ATP10A: variants seen among roughly 807,000 people sequenced by gnomAD.
ATP10A encodes the protein ATPase phospholipid transporting 10A (putative).
A neutral mutation model predicts 147.8 loss-of-function variants in ATP10A; 111 were observed. That is an observed-to-expected ratio of 0.75 (90% CI 0.64 to 0.88). The LOEUF (loss-of-function observed/expected upper bound fraction) is 0.88, where lower values mean the gene tolerates loss of function less well. Among genes scored for constraint, ATP10A ranks in the 40% least tolerant of loss-of-function variants. ATP10A has a pLI of 0.00. For synonymous variants in ATP10A, 875 were observed against 841.6 expected (o/e 1.04, Z -0.69); for missense variants, 1,927 against 1,959.0 (o/e 0.98, Z 0.31).
intron 13 of ATP10A, among the ~76,000 whole-genome samples, chr15:25,701,113 G>A (rs1171533170): frequency 6.6e-6 from 1 of 152,168 alleles, no homozygotes; most frequent in Non-Finnish European, 1.5e-5. Context: ...GTACAATGTG[G>A]ACAACGGGGC....
chr15:25,845,821 G>A (rs767610642), intron 1 of ATP10A, among the ~76,000 whole-genome samples: 7 of 152,284 alleles, frequency 4.6e-5, no homozygotes, highest in South Asian at 4.1e-4. Context: ...CTCCACGGAC[G>A]AAAAAGGCAA....
intron 1 of ATP10A, among the ~76,000 whole-genome samples, chr15:25,806,894 A>C (rs943934707): frequency 5.9e-5 from 9 of 152,190 alleles, no homozygotes; most frequent in Admixed American, 1.3e-4. Context: ...ACTTACTTCA[A>C]ACTATAACTC....
chr15:25,847,034 T>C (rs772135500), intron 1 of ATP10A, among the ~76,000 whole-genome samples: 2 of 152,192 alleles, frequency 1.3e-5, no homozygotes, highest in Admixed American at 1.3e-4. Flanking sequence ...CAATAACATA[T>C]ACATTTTTCT....
downstream of ATP10A, among the ~76,000 whole-genome samples, chr15:25,673,569 T>C (rs1385990451): frequency 1.3e-5 from 2 of 152,168 alleles, no homozygotes; most frequent in African/African-American, 4.8e-5. Flanking sequence ...GACGTTGCCC[T>C]TCCAAGTGAC....
Position 25,725,780 on chromosome 15 carries a change from A to C in ATP10A, c.979+171T>G, listed in dbSNP as rs537247750. 2.0e-5 allele frequency among the ~76,000 whole-genome samples: 3 copies of C among 151,336 alleles called. No homozygotes were observed. In the South Asian group the frequency reaches 6.3e-4, roughly 32 times the overall value. On this transcript the variant is annotated intron_variant, in intron 5 of 20. Transcript: ENST00000555815. ...CTCCCGAGTAGCTGGGACTACAGGC[A>C]CATTTTTTTTGTATTTTTAGTAGAG... is the stretch of plus-strand genomic sequence containing the variant.
chr15:25,680,372 C>CA (rs1264292045), intron 19 of ATP10A, 64 bp from the exon 20 acceptor site: 2 of 1,523,096 alleles, frequency 1.3e-6, no homozygotes, highest in Non-Finnish European at 1.8e-6. Flanking sequence ...ATGACAATAA[C>CA]AAAAACGTGC....
intron 3 of ATP10A, among the ~76,000 whole-genome samples, chr15:25,735,003 C>CGGG (rs774115891): frequency 6.1e-5 from 8 of 132,062 alleles, no homozygotes; most frequent in East Asian, 4.5e-4. Flanking sequence ...GTGGTGGGAG[C>CGGG]GGGGGGGGGG....
At position 25,797,641 on chromosome 15, in the gene ATP10A, C is replaced by T. The variant is rs963488223; in HGVS notation, c.450-16418G>A. Among the ~76,000 whole-genome samples the T allele has an allele frequency of 2.6e-5, 4 of 152,186 alleles. No individual in the cohort carries two copies. In the East Asian group the frequency reaches 7.7e-4, roughly 29 times the overall value. Reference sequence around the variant, plus strand: ...GGGCTCAGTGGATCCTTGGGCCCCTCCTCGGGGGACAGCCATCCAAGAAGG... The same window carrying T: ...GGGCTCAGTGGATCCTTGGGCCCCTTCTCGGGGGACAGCCATCCAAGAAGG... On this transcript the variant is annotated intron_variant, in intron 1 of 20. Coordinates refer to ENST00000555815, the MANE Select transcript of ATP10A (RefSeq NM_024490.4).
chr15:25,760,696 T>C (rs1307513474), intron 2 of ATP10A, among the ~76,000 whole-genome samples: 2 of 152,310 alleles, frequency 1.3e-5, no homozygotes, highest in Non-Finnish European at 2.9e-5. Flanking sequence ...ATTAATTACA[T>C]GGAGCTGGGC....
At chr15:25,745,634 A>C (rs1419666065) in intron 2 of ATP10A, among the ~76,000 whole-genome samples, 1 of 152,226 alleles carries the variant, frequency 6.6e-6, no homozygotes. Flanking sequence ...AAAGCAACAA[A>C]AACGGTAAAT....
intron 1 of ATP10A, chr15:25,862,373 G>A: frequency 1.6e-6 from 1 of 641,864 alleles, no homozygotes; most frequent in Non-Finnish European, 2.9e-6. Flanking sequence ...TCGGTTTCTA[G>A]CCTTGGGATC....
At chr15:25,792,004 T>C (rs1393478252) in intron 1 of ATP10A, among the ~76,000 whole-genome samples, 2 of 152,172 alleles carry the variant, frequency 1.3e-5, no homozygotes, top group Non-Finnish European at 2.9e-5. Flanking sequence ...TATTTTTTTT[T>C]TAAAACAAAC....
chr15:25,721,971 C>G, intron 6 of ATP10A, 62 bp from the exon 7 acceptor site: 1 of 1,519,270 alleles, frequency 6.6e-7, no homozygotes, highest in South Asian at 1.2e-5. Flanking sequence ...GGGAATTACT[C>G]AAATCTATTT....
intron 15 of ATP10A, among the ~76,000 whole-genome samples, chr15:25,690,148 C>T (rs2930630): frequency 0.81 from 123,264 of 151,936 alleles, 50,163 homozygotes; most frequent in South Asian, 0.89. Flanking sequence ...ACTGATCACA[C>T]AAACAGTTGA....
At chr15:25,844,279 T>C (rs1271041369) in intron 1 of ATP10A, among the ~76,000 whole-genome samples, 1 of 152,110 alleles carries the variant, frequency 6.6e-6, no homozygotes, top group African/African-American at 2.4e-5. Flanking sequence ...GGTGCGTTTC[T>C]CTCCACGGCA....
At chr15:25,723,080 G>C (rs1461671634) in intron 6 of ATP10A, among the ~76,000 whole-genome samples, 1 of 152,190 alleles carries the variant, frequency 6.6e-6, no homozygotes, top group African/African-American at 2.4e-5. Context: ...CGGGTGCAGT[G>C]GCTCATGCCT....
intron 16 of ATP10A, among the ~76,000 whole-genome samples, chr15:25,685,842 A>T (rs1011501473): frequency 6.9e-6 from 1 of 145,028 alleles, no homozygotes; most frequent in African/African-American, 2.6e-5. Flanking sequence ...AAAAAAAAAA[A>T]ATCCAAAGCA....
At chr15:25,779,310 A>C (rs1270651713) in intron 2 of ATP10A, among the ~76,000 whole-genome samples, 1 of 152,214 alleles carries the variant, frequency 6.6e-6, no homozygotes, top group Non-Finnish European at 1.5e-5. Context: ...AGGTTTCACC[A>C]GTAGATACTC....
intron 13 of ATP10A, 79 bp downstream of exon 13, chr15:25,701,837 G>A (rs1197733492): frequency 1.3e-5 from 17 of 1,355,326 alleles, no homozygotes; most frequent in Non-Finnish European, 1.6e-5. Context: ...TGCCAGGAAT[G>A]TGAGTGTCTG....
Sources: allele counts gnomAD v4.1 joint callset (sites outside exome capture counted in the v4.1 genomes callset), GRCh38; gene constraint gnomAD v4.1.1; transcripts MANE v1.5; gene names NCBI Gene and HGNC (gene_info 2026-07-23, HGNC 2026-07-21).